The following PARP2 variants were observed in gnomAD, a reference collection of about 807,000 sequenced individuals.
The protein encoded by PARP2 is poly [ADP-ribose] polymerase 2.
A neutral mutation model predicts 77.8 loss-of-function variants in PARP2; 57 were observed. The observed-to-expected ratio is 0.73, with a 90% CI of 0.59 to 0.91. The LOEUF (loss-of-function observed/expected upper bound fraction) is 0.91, where lower values mean the gene tolerates loss of function less well. Ranked by LOEUF, PARP2 falls within the 40% of genes least tolerant of loss-of-function variation. The pLI, the probability that PARP2 is intolerant of heterozygous loss-of-function variation, is 0.00. For synonymous variants in PARP2, 226 were observed against 242.6 expected, an observed-to-expected ratio of 0.93 and a Z score of 0.64; for missense variants, 651 against 689.0, an observed-to-expected ratio of 0.94 and a Z score of 0.62.
chr14:20,356,238 C>T (rs1884144146), intron 11 of PARP2, 69 bp from the exon 12 acceptor site: 4 of 1,562,726 alleles, frequency 2.6e-6, no homozygotes, highest in Non-Finnish European at 3.5e-6. Flanking sequence ...TATCAGAATC[C>T]CCAAATTCTT....
chr14:20,353,949 C>T lies in PARP2; in HGVS notation c.601-136C>T, dbSNP rs116018517. 674 of 671,574 alleles carry T rather than the reference C, an allele frequency of 1.0e-3. 3 individuals carry two copies. In the African/African-American group the frequency reaches 0.011, roughly 11 times the overall value. 41.6% of individuals were successfully genotyped at this position (671,574 alleles called of 1,614,324 possible). On this transcript the variant is annotated intron_variant, in intron 7 of 15. Coordinates refer to ENST00000429687, the MANE Select transcript of PARP2 (RefSeq NM_001042618.2). ...ACTGAACCTGTACAGCCTTTTTTTC[C>T]TTGCTTCTCATTATTCCCTAGACAG...
chr14:20,355,267 C>T lies in PARP2; in HGVS notation c.902+320C>T, dbSNP rs114591185. The T allele has an allele frequency of 1.5e-3, 334 of 223,780 alleles. 3 individuals carry two copies. Among genetic ancestry groups the T allele is most frequent in the African/African-American group, 7.0e-3 (308 of 44,150 alleles). The allele number at this position is 223,780 out of a possible 1,614,324, so 13.9% of individuals were successfully genotyped here. On this transcript the variant is annotated intron_variant, in intron 9 of 15. Coordinates refer to ENST00000429687, the MANE Select transcript of PARP2 (RefSeq NM_001042618.2). ...CTTTTCCTATTTGAGTAACTAAAACCACACAAACACCATTTCTGTGAACTC... is the reference window on the plus strand; with the variant it reads ...CTTTTCCTATTTGAGTAACTAAAACTACACAAACACCATTTCTGTGAACTC...
intron 4 of PARP2, among the ~76,000 whole-genome samples, chr14:20,349,868 C>G (rs1334726444): frequency 6.6e-6 from 1 of 152,168 alleles, no homozygotes; most frequent in Non-Finnish European, 1.5e-5. Flanking sequence ...GCTGCTATGC[C>G]TTATCATGGA....
At position 20,343,645 on chromosome 14, in the gene PARP2, G is replaced by C; in HGVS notation, c.4G>C (p.Ala2Pro). M[A>P]ARRRRSTGGG... ...ATGACGTCAGCGTTCGAATTCCATG[G>C]CGGCGCGGCGGCGACGGAGCACCGG... Residue 2 changes from alanine to proline, a missense_variant, in exon 1 of 16, where the codon GCG (alanine) becomes CCG (proline). Transcript: ENST00000429687. 6.2e-7 allele frequency: 1 copy of C among 1,609,868 alleles called. No individual in the cohort carries two copies.
At position 20,345,405 on chromosome 14, in the gene PARP2, G is replaced by T; in HGVS notation, c.214G>T (p.Ala72Ser). Residue 72 changes from alanine to serine, a missense_variant, in exon 3 of 16, where the codon GCC becomes TCC. Transcript: ENST00000429687. Reference protein sequence around the residue: ...TEDKQDESVKALLLKGKAPVD... With the variant: ...TEDKQDESVKSLLLKGKAPVD... Reference sequence around the variant, plus strand: ...CTGTCTTTCCTCAGAATCTGTGAAGGCCTTGCTGTTAAAGGGCAAAGCTCC... The same window carrying T: ...CTGTCTTTCCTCAGAATCTGTGAAGTCCTTGCTGTTAAAGGGCAAAGCTCC... 1 of 1,613,594 alleles carries T rather than the reference G, an allele frequency of 6.2e-7. No individual in the cohort carries two copies. Among genetic ancestry groups the T allele is most frequent in the Non-Finnish European group, 8.5e-7 (1 of 1,179,540 alleles).
Position 20,353,522 on chromosome 14 carries a change from C to T in PARP2, c.601-563C>T, listed in dbSNP as rs142939848. ...CCTCCCAAAGTGCTGGGATTACAAG[C>T]GTGAGCCACTGCGGCTGGCACCAGA... On this transcript the variant is annotated intron_variant, in intron 7 of 15. Transcript: ENST00000429687. Among the ~76,000 whole-genome samples, 466 of 152,254 alleles carry T rather than the reference C, an allele frequency of 3.1e-3. 4 individuals carry two copies. The highest frequency in any genetic ancestry group is 9.7e-3 in the African/African-American group (401 of 41,554).
At chr14:20,346,645 C>G in intron 3 of PARP2, 1 of 473,650 alleles carries the variant, frequency 2.1e-6, no homozygotes. Flanking sequence ...AACTCAGAAT[C>G]TTTTGTATAG....
At chr14:20,348,549 T>G (rs1182662692) in intron 4 of PARP2, among the ~76,000 whole-genome samples, 1 of 151,886 alleles carries the variant, frequency 6.6e-6, no homozygotes, top group Non-Finnish European at 1.5e-5. Flanking sequence ...TTAATCAACC[T>G]TTTTCTCTTG....
Position 20,351,080 on chromosome 14 carries a change from G to A in PARP2, c.455G>A (p.Cys152Tyr), listed in dbSNP as rs751359170. 34 of 1,613,964 alleles carry A rather than the reference G, an allele frequency of 2.1e-5. 1 individual carries two copies. The South Asian group carries it at 2.6e-4, about 13-fold the overall frequency. Residue 152 changes from cysteine (C) to tyrosine (Y), a missense_variant, in exon 6 of 16, where the codon TGT (cysteine) becomes TAT (tyrosine). Cys to Tyr is a radical substitution (Grantham distance 194). Transcript: ENST00000429687. ...ATGGGACAGCACAGCCTGGTGGCTT[G>A]TTCAGGCAATCTCAACAAGGCCAAG... ...GKMGQHSLVA[C>Y]SGNLNKAKEI...
At chr14:20,346,218 T>A (rs969224136) in intron 3 of PARP2, among the ~76,000 whole-genome samples, 1 of 152,154 alleles carries the variant, frequency 6.6e-6, no homozygotes, top group Non-Finnish European at 1.5e-5. Flanking sequence ...AACTGTTTTC[T>A]TGTTCTAATG....
At position 20,355,793 on chromosome 14, in the gene PARP2, C is replaced by T. The variant is rs1168178294; in HGVS notation, c.944C>T (p.Ser315Leu). 5 of 1,613,736 alleles carry T rather than the reference C, an allele frequency of 3.1e-6. No homozygotes were observed. Among genetic ancestry groups the T allele is most frequent in the Non-Finnish European group, 4.2e-6 (5 of 1,179,702 alleles). ...PPLIRTQKEL[S>L]EKIQLLEALG... The stretch of plus-strand genomic sequence containing the variant: ...CTAATCCGGACACAGAAGGAACTGT[C>T]AGAAAAAATACAATTACTAGAGGTG... Residue 315 changes from serine to leucine, a missense_variant, in exon 10 of 16, where the codon TCA (serine) becomes TTA (leucine). Ser to Leu is a moderately radical substitution (Grantham distance 145). Transcript: ENST00000429687.
chr14:20,347,727 A>G (rs1883821133), intron 4 of PARP2, among the ~76,000 whole-genome samples: 2 of 151,694 alleles, frequency 1.3e-5, no homozygotes, highest in African/African-American at 2.4e-5. Flanking sequence ...TTATATTAAT[A>G]TTAGCCATTA....
intron 2 of PARP2, 100 bp from the exon 3 acceptor site, chr14:20,345,294 G>A (rs983356135): frequency 7.7e-6 from 9 of 1,163,504 alleles, no homozygotes; most frequent in Non-Finnish European, 1.0e-5. Flanking sequence ...GGAAAGACCA[G>A]GATTGGTTGG....
At position 20,357,897 on chromosome 14, in the gene PARP2, C is replaced by T. The variant is rs935664880; in HGVS notation, c.*100C>T. Reference sequence around the variant, plus strand: ...GATATTTTATGTAATAAAAACTGTACAGGTCTACCACTGGCTTCTTCGGGC... The same window carrying T: ...GATATTTTATGTAATAAAAACTGTATAGGTCTACCACTGGCTTCTTCGGGC... On this transcript the variant is annotated 3_prime_UTR_variant, in exon 16 of 16. Coordinates refer to ENST00000429687, the MANE Select transcript of PARP2 (RefSeq NM_001042618.2). 7.1e-5 allele frequency: 75 copies of T among 1,053,114 alleles called. 2 individuals are homozygous for T. The South Asian group carries it at 8.3e-4, about 12-fold the overall frequency. 65.2% of individuals were successfully genotyped at this position (1,053,114 alleles called of 1,614,324 possible).
intron 1 of PARP2, 122 bp downstream of exon 1, chr14:20,343,809 A>G: frequency 9.7e-7 from 1 of 1,033,242 alleles, no homozygotes; most frequent in East Asian, 2.5e-5. Flanking sequence ...CTACCAAACC[A>G]GTTGGGGTGC....
At position 20,355,920 on chromosome 14, in the gene PARP2, T is replaced by C. The variant is rs776014104; in HGVS notation, c.990T>C (p.Ala330=). The change falls in exon 11 of 16, where the codon GCT becomes GCC. Residue 330 remains alanine, a synonymous_variant. Transcript: ENST00000429687. ...LLEALGDIEI[A]IKLVKTELQS... ...AGGCTTTGGGAGACATTGAAATTGC[T>C]ATTAAGCTGGTGAAAACAGAGCTAC... 3.1e-6 allele frequency: 5 copies of C among 1,614,080 alleles called. No homozygotes were observed. Among genetic ancestry groups the C allele is most frequent in the East Asian group, 4.5e-5 (2 of 44,900 alleles).
At chr14:20,351,824 G>A (rs1490088957) in intron 6 of PARP2, among the ~76,000 whole-genome samples, 1 of 151,512 alleles carries the variant, frequency 6.6e-6, no homozygotes, top group Non-Finnish European at 1.5e-5. Context: ...GACCAGCCTG[G>A]GCAACAAAGC....
Position 20,357,759 on chromosome 14 carries a change from C to G in PARP2, c.1675C>G (p.Leu559Val). The change falls in exon 16 of 16, where the codon CTT becomes GTT. Residue 559 changes from leucine (L) to valine (V), a missense_variant. Leu to Val is a conservative substitution (Grantham distance 32). Transcript: ENST00000429687. ...CCCCAACCAGGTCCGTATGCGGTAC[C>G]TTTTAAAGGTTCAGTTTAATTTCCT... Reference protein sequence around the residue: ...YNPNQVRMRYLLKVQFNFLQL... With the variant: ...YNPNQVRMRYVLKVQFNFLQL... The G allele has an allele frequency of 6.2e-7, 1 of 1,613,464 alleles. No individual in the cohort carries two copies. Among genetic ancestry groups the G allele is most frequent in the Middle Eastern group, 1.6e-4 (1 of 6,062 alleles).
At chr14:20,356,929 G>C (rs1884175957) in intron 13 of PARP2, 122 bp from the exon 14 acceptor site, 2 of 745,020 alleles carry the variant, frequency 2.7e-6, no homozygotes, top group East Asian at 2.6e-5. Flanking sequence ...AGAATTGTGA[G>C]GGGAAATGGA....
Sources: allele counts gnomAD v4.1 joint callset (sites outside exome capture counted in the v4.1 genomes callset), GRCh38; gene constraint gnomAD v4.1.1; transcripts MANE v1.5; gene names NCBI Gene and HGNC (gene_info 2026-07-23, HGNC 2026-07-21).